DSCAM: variants seen among roughly 807,000 people sequenced by gnomAD.
DSCAM encodes the protein DS cell adhesion molecule.
DSCAM carries 47 observed loss-of-function variants against 217.7 expected under a neutral mutation model. That is an observed-to-expected ratio of 0.22 (90% confidence interval 0.17 to 0.28). The LOEUF is 0.28. Among genes scored for constraint, DSCAM ranks in the 10% least tolerant of loss-of-function variants. The probability of loss-of-function intolerance (pLI) is 1.00; values close to 1 mark genes in which losing one functional copy is unlikely to be tolerated. For missense variants in DSCAM, 2,080 were observed against 2,618.3 expected (o/e 0.79, Z 4.49); for synonymous variants, 1,056 against 1,015.3 (o/e 1.04, Z -0.76).
At chr21:40,536,841 G>T (rs1343778596) in intron 3 of DSCAM, among the ~76,000 whole-genome samples, 1 of 152,186 alleles carries the variant, frequency 6.6e-6, no homozygotes. Context: ...AATGATTTCT[G>T]AACTTGATTT....
At position 40,016,515 on chromosome 21, in the gene DSCAM, CT is replaced by C. The variant is rs991449938; in HGVS notation, c.5687-3130del. Reference sequence around the variant, plus strand: ...TCTAGGATGACTCACTGCTCGTTTTCTGAGTCTAAAGTAACTGAACATTCTT... The same window carrying C: ...TCTAGGATGACTCACTGCTCGTTTTCGAGTCTAAAGTAACTGAACATTCTT... On this transcript the variant is annotated intron_variant, in intron 32 of 32. Coordinates refer to ENST00000400454, the MANE Select transcript of DSCAM (RefSeq NM_001389.5). The surrounding 1 kb of genome is among the most constrained non-coding windows in gnomAD (Gnocchi z 4.3). Among the ~76,000 whole-genome samples the C allele has an allele frequency of 5.9e-5, 9 of 152,184 alleles. No homozygotes were observed. The highest frequency in any genetic ancestry group is 2.2e-4 in the African/African-American group (9 of 41,450).
At chr21:40,475,574 C>T (rs529161845) in intron 3 of DSCAM, among the ~76,000 whole-genome samples, 164 of 152,280 alleles carry the variant, frequency 1.1e-3, no homozygotes, top group African/African-American at 3.0e-3. Flanking sequence ...CCTGGCCGGG[C>T]GCAGTGGCTG....
intron 15 of DSCAM, among the ~76,000 whole-genome samples, chr21:40,168,018 G>A (rs559634405): frequency 5.1e-4 from 78 of 152,252 alleles, no homozygotes; most frequent in Admixed American, 6.5e-4. Context: ...CCGAGATTGC[G>A]CCACTGCACT....
intron 9 of DSCAM, among the ~76,000 whole-genome samples, chr21:40,305,017 T>C (rs2074056700): frequency 6.6e-6 from 1 of 151,926 alleles, no homozygotes; most frequent in East Asian, 1.9e-4. Context: ...TTGGAAAAAA[T>C]GGTCCCCATA....
chr21:40,122,413 A>G (rs138220666), intron 20 of DSCAM, among the ~76,000 whole-genome samples: 2 of 152,368 alleles, frequency 1.3e-5, no homozygotes, highest in African/African-American at 4.8e-5. Flanking sequence ...ATCCCATAGC[A>G]AAGAGATCAA....
intron 3 of DSCAM, among the ~76,000 whole-genome samples, chr21:40,631,080 GT>G (rs2146318689): frequency 6.6e-6 from 1 of 152,296 alleles, no homozygotes; most frequent in South Asian, 2.1e-4. Context: ...ACCATGTTAT[GT>G]AGCAGAAATT....
Position 40,149,273 on chromosome 21 carries a change from C to T in DSCAM, c.3019-4542G>A, listed in dbSNP as rs191392273. Among the ~76,000 whole-genome samples the T allele has an allele frequency of 5.3e-5, 8 of 151,154 alleles. No homozygotes were observed. In the East Asian group the frequency reaches 9.7e-4, roughly 18 times the overall value. On this transcript the variant is annotated intron_variant, in intron 16 of 32. Coordinates refer to ENST00000400454, the MANE Select transcript of DSCAM (RefSeq NM_001389.5). ...ACCACAACCATCCATCACTCCATCA[C>T]TATCCCAACACCAATATCACTATCA... is the stretch of plus-strand genomic sequence containing the variant.
chr21:40,206,428 A>G (rs4375957), intron 11 of DSCAM, among the ~76,000 whole-genome samples: 73,148 of 151,850 alleles, frequency 0.48, 18,996 homozygotes, highest in African/African-American at 0.69. Flanking sequence ...CAGTGGGTCT[A>G]GGGGGGACTC....
chr21:40,104,856 C>T (rs895869793), intron 20 of DSCAM, among the ~76,000 whole-genome samples: 1 of 152,150 alleles, frequency 6.6e-6, no homozygotes, highest in Non-Finnish European at 1.5e-5. Flanking sequence ...CCTAAAACTG[C>T]TTAAAAAATA....
intron 3 of DSCAM, among the ~76,000 whole-genome samples, chr21:40,684,568 C>A (rs73220286): frequency 0.35 from 52,513 of 152,072 alleles, 10,590 homozygotes; most frequent in Non-Finnish European, 0.45. Context: ...CCTGGTCCAA[C>A]CCACCTTTAT....
chr21:40,200,689 A>G (rs2091060704), intron 11 of DSCAM, among the ~76,000 whole-genome samples: 1 of 152,206 alleles, frequency 6.6e-6, no homozygotes, highest in Non-Finnish European at 1.5e-5. Context: ...AAGCCATTCA[A>G]AGGCCAAGCA....
intron 3 of DSCAM, among the ~76,000 whole-genome samples, chr21:40,586,397 C>G (rs972355451): frequency 1.3e-5 from 2 of 152,210 alleles, no homozygotes; most frequent in African/African-American, 4.8e-5. Flanking sequence ...TTTGACTGTT[C>G]TGTGTCCCAG....
intron 3 of DSCAM, among the ~76,000 whole-genome samples, chr21:40,387,795 A>G (rs2075100158): frequency 1.3e-5 from 2 of 152,244 alleles, no homozygotes; most frequent in Admixed American, 1.3e-4. Flanking sequence ...AATTAAAAAT[A>G]GGATAAGTGA....
intron 16 of DSCAM, among the ~76,000 whole-genome samples, chr21:40,161,412 G>GT (rs1014023164): frequency 1.0e-3 from 144 of 140,594 alleles, no homozygotes; most frequent in East Asian, 3.1e-3. Context: ...AAAGTCCACA[G>GT]TTTTTTTTTT....
chr21:40,612,272 G>T (rs1044324615), intron 3 of DSCAM, among the ~76,000 whole-genome samples: 2 of 152,132 alleles, frequency 1.3e-5, no homozygotes, highest in African/African-American at 2.4e-5. Context: ...TGACTTGCTT[G>T]ACCAAGAGAA....
In DSCAM at chr21:40,650,213, C is replaced by T. The variant is rs117260482; in HGVS notation, c.508+42597G>A. Among the ~76,000 whole-genome samples the T allele has an allele frequency of 8.7e-4, 132 of 152,308 alleles. 3 individuals are homozygous for T. In the East Asian group the frequency reaches 0.023, roughly 26 times the overall value. On this transcript the variant is annotated intron_variant, in intron 3 of 32. Transcript: ENST00000400454. ...TGGACAAGGCTTTATTTCATCCAAG[C>T]ATCTCTAAGCATTTATTCCCTATCT...
chr21:40,196,273 C>A lies in DSCAM; in HGVS notation c.2357-7035G>T, dbSNP rs117339237. Among the ~76,000 whole-genome samples, 588 of 152,280 alleles carry A rather than the reference C, an allele frequency of 3.9e-3. 13 individuals carry two copies. The East Asian group carries it at 0.075, about 19-fold the overall frequency. ...CAGAGAATCTGACTCCAACCTCCTG[C>A]CGCTGGGACTGGGCAGGACCCTTGG... On this transcript the variant is annotated intron_variant, in intron 11 of 32. Coordinates refer to ENST00000400454, the MANE Select transcript of DSCAM (RefSeq NM_001389.5).
intron 16 of DSCAM, among the ~76,000 whole-genome samples, chr21:40,152,623 CT>C (rs1177808283): frequency 2.6e-5 from 4 of 152,256 alleles, no homozygotes; most frequent in Non-Finnish European, 5.9e-5. Flanking sequence ...AAGAAACCTT[CT>C]CTTTTGATCT....
intron 18 of DSCAM, among the ~76,000 whole-genome samples, chr21:40,136,170 G>A (rs1393478022): frequency 6.6e-6 from 1 of 152,226 alleles, no homozygotes; most frequent in Non-Finnish European, 1.5e-5. Context: ...GAGACTGTGT[G>A]AGCATGTGTG....
Sources: gnomAD v4.1 joint callset for allele counts (sites outside exome capture counted in the v4.1 genomes callset) on GRCh38, gnomAD v4.1.1 for gene constraint, Gnocchi (gnomAD v3.1) non-coding constraint, MANE v1.5 for transcripts, NCBI Gene and HGNC (gene_info 2026-07-23, HGNC 2026-07-21) for gene names.